The following DYNC2H1 variants were observed in gnomAD, a reference collection of about 807,000 sequenced individuals.
The protein encoded by DYNC2H1 is cytoplasmic dynein 2 heavy chain 1.
DYNC2H1 carries 410 observed loss-of-function variants against 570.0 expected under a neutral mutation model. The ratio of observed to expected loss-of-function variants is 0.72; its 90% CI spans 0.66 to 0.78. The LOEUF is 0.78. Ranked by LOEUF, DYNC2H1 falls within the 30% of genes least tolerant of loss-of-function variation. DYNC2H1 has a pLI of 0.00. For synonymous variants in DYNC2H1, 1,688 were observed against 1,677.6 expected, an observed-to-expected ratio of 1.01 and a Z score of -0.15; for missense variants, 4,865 against 5,046.4, an observed-to-expected ratio of 0.96 and a Z score of 1.09.
intron 47 of DYNC2H1, among the ~76,000 whole-genome samples, chr11:103,195,019 T>C (rs1862465888): frequency 6.6e-6 from 1 of 152,242 alleles, no homozygotes; most frequent in Admixed American, 6.5e-5. Context: ...CAGCCAGCAA[T>C]TGGTTTGTTA....
At chr11:103,383,094 C>T (rs988123609) in intron 83 of DYNC2H1, among the ~76,000 whole-genome samples, 4 of 152,128 alleles carry the variant, frequency 2.6e-5, no homozygotes, top group Non-Finnish European at 4.4e-5. Context: ...TTCAGAAGTA[C>T]TGATGTGTTT....
At chr11:103,415,845 G>A (rs1211158491) in intron 84 of DYNC2H1, among the ~76,000 whole-genome samples, 1 of 152,122 alleles carries the variant, frequency 6.6e-6, no homozygotes, top group Non-Finnish European at 1.5e-5. Context: ...AAAGACACAT[G>A]CGCACATATG....
intron 84 of DYNC2H1, chr11:103,403,841 G>A (rs1231331699): frequency 6.6e-6 from 1 of 151,976 alleles, no homozygotes; most frequent in Admixed American, 6.6e-5. Context: ...TTCATGTTCT[G>A]TATACTCATA....
intron 83 of DYNC2H1, among the ~76,000 whole-genome samples, chr11:103,384,141 G>A (rs907180928): frequency 6.6e-6 from 1 of 152,094 alleles, no homozygotes; most frequent in Non-Finnish European, 1.5e-5. Flanking sequence ...TTATCCTTTA[G>A]TGTAAAATGT....
At chr11:103,139,040 C>T (rs1859740889) in intron 17 of DYNC2H1, among the ~76,000 whole-genome samples, 1 of 150,668 alleles carries the variant, frequency 6.6e-6, no homozygotes, top group South Asian at 2.1e-4. Context: ...GTTTGTATTT[C>T]TGTGGGATCG....
chr11:103,355,729 A>G (rs1207341935), intron 82 of DYNC2H1, among the ~76,000 whole-genome samples: 1 of 152,106 alleles, frequency 6.6e-6, no homozygotes, highest in African/African-American at 2.4e-5. Flanking sequence ...TTTATTTTTT[A>G]GAGATGGGGT....
At chr11:103,421,458 T>C (rs1180504250) in intron 84 of DYNC2H1, among the ~76,000 whole-genome samples, 2 of 152,116 alleles carry the variant, frequency 1.3e-5, no homozygotes, top group Non-Finnish European at 2.9e-5. Flanking sequence ...TAATTGAAAT[T>C]AAAACTCTCC....
At chr11:103,171,167 C>T (rs188235738) in intron 34 of DYNC2H1, 99 bp downstream of exon 34, 14 of 1,073,878 alleles carry the variant, frequency 1.3e-5, no homozygotes, top group Admixed American at 6.9e-5. Flanking sequence ...TCCTGACATC[C>T]GTGTTTCTAA....
chr11:103,150,908 A>G (rs1386476683), intron 20 of DYNC2H1, among the ~76,000 whole-genome samples: 1 of 152,200 alleles, frequency 6.6e-6, no homozygotes, highest in Non-Finnish European at 1.5e-5. Flanking sequence ...ATGAGATAAT[A>G]AAAGAACTAG....
chr11:103,224,921 T>A (rs376728934), intron 59 of DYNC2H1, among the ~76,000 whole-genome samples: 4 of 152,220 alleles, frequency 2.6e-5, no homozygotes, highest in African/African-American at 4.8e-5. Flanking sequence ...TATACTTTTT[T>A]AATTTTTTTA....
At chr11:103,372,710 T>C (rs1043784755) in intron 83 of DYNC2H1, among the ~76,000 whole-genome samples, 1 of 152,196 alleles carries the variant, frequency 6.6e-6, no homozygotes, top group Non-Finnish European at 1.5e-5. Flanking sequence ...GTTTTTTCTT[T>C]GCTGTGTCCT....
Position 103,305,407 on chromosome 11 carries a change from A to G in DYNC2H1, c.11382+687A>G, listed in dbSNP as rs1489543644. 6.6e-6 allele frequency among the ~76,000 whole-genome samples: 1 copy of G among 152,148 alleles called. No individual in the cohort carries two copies. The highest frequency in any genetic ancestry group is 1.5e-5 in the Non-Finnish European group (1 of 68,022). ...CAAGGAATGAAGAGATGTCCTTGATAGTACTAGACGGGCCAGGCAGGGAAG... is the reference window on the plus strand; with the variant it reads ...CAAGGAATGAAGAGATGTCCTTGATGGTACTAGACGGGCCAGGCAGGGAAG... On this transcript the variant is annotated intron_variant, in intron 77 of 88. Coordinates refer to ENST00000375735, the MANE Select transcript of DYNC2H1 (RefSeq NM_001377.3). This position sits in a 1 kb window ranked among gnomAD's most constrained non-coding sequence, Gnocchi z 4.3.
intron 40 of DYNC2H1, among the ~76,000 whole-genome samples, chr11:103,184,375 T>C (rs930622429): frequency 2.6e-5 from 4 of 151,942 alleles, no homozygotes; most frequent in African/African-American, 9.7e-5. Context: ...TTTAACTCTC[T>C]GGCACTTACC....
chr11:103,468,829 C>A, intron 88 of DYNC2H1, 124 bp downstream of exon 88: 3 of 672,132 alleles, frequency 4.5e-6, no homozygotes, highest in African/African-American at 1.8e-5. Context: ...TGCATTTGAA[C>A]AAATTTGCAG....
In DYNC2H1 at chr11:103,254,255, G is replaced by T; in HGVS notation, c.10206+807G>T. 6.6e-6 allele frequency among the ~76,000 whole-genome samples: 1 copy of T among 152,054 alleles called. No homozygotes were observed. On this transcript the variant is annotated intron_variant, in intron 66 of 88. Transcript: ENST00000375735. This position sits in a 1 kb window ranked among gnomAD's most constrained non-coding sequence, Gnocchi z 4.9. ...CAATGTGACAATCATTCAAAACTTG[G>T]CAGAATTAATTGACAGAATTGCTCC...
chr11:103,433,423 A>G (rs590439), intron 84 of DYNC2H1, among the ~76,000 whole-genome samples: 84,160 of 151,852 alleles, frequency 0.55, 23,946 homozygotes, highest in East Asian at 0.72. Context: ...CCTAAGTCTT[A>G]GTGGCATAAA....
chr11:103,348,212 C>G (rs958023979), intron 82 of DYNC2H1, among the ~76,000 whole-genome samples: 10 of 152,060 alleles, frequency 6.6e-5, no homozygotes, highest in Non-Finnish European at 1.3e-4. Flanking sequence ...TTTAACTGAC[C>G]CTAGCCCAAT....
In DYNC2H1 at chr11:103,244,674, A is replaced by G. The variant is rs1864540509; in HGVS notation, c.9919-577A>G. Among the ~76,000 whole-genome samples, 1 of 148,312 alleles carries G rather than the reference A, an allele frequency of 6.7e-6. No homozygotes were observed. Among genetic ancestry groups the G allele is most frequent in the African/African-American group, 2.4e-5 (1 of 40,842 alleles). ...TAGTTATATACATTATAAGTACTATATATCTATGGTTATAGTTATATACAT... is the reference window on the plus strand; with the variant it reads ...TAGTTATATACATTATAAGTACTATGTATCTATGGTTATAGTTATATACAT... On this transcript the variant is annotated intron_variant, in intron 64 of 88. Transcript: ENST00000375735. The surrounding 1 kb of genome is among the most constrained non-coding windows in gnomAD (Gnocchi z 4.3).
Position 103,161,044 on chromosome 11 carries a change from G to A in DYNC2H1, c.4491G>A (p.Glu1497=). The A allele has an allele frequency of 2.9e-6, 4 of 1,395,312 alleles. No homozygotes were observed. The highest frequency in any genetic ancestry group is 2.6e-5 in the East Asian group (1 of 38,648). The allele number at this position is 1,395,312 out of a possible 1,614,324, so 86.4% of individuals were successfully genotyped here. A position where few individuals can be genotyped will look rare whatever the true frequency, so the allele number is the denominator to read the frequency against. The change falls in exon 29 of 89, where the codon GAG becomes GAA. Residue 1497 remains glutamate (E), a splice_region_variant and synonymous_variant. Transcript: ENST00000375735. ...AAGTTCCTCTATCAAATAATGTAGA[G>A]GTAAGCAATTCTTTTTCAAATATGA... ...KNKVPLSNNV[E]TWLNDLALEM...
Sources: allele counts gnomAD v4.1 joint callset (sites outside exome capture counted in the v4.1 genomes callset), GRCh38; gene constraint gnomAD v4.1.1; non-coding constraint Gnocchi (gnomAD v3.1); transcripts MANE v1.5; gene names NCBI Gene and HGNC (gene_info 2026-07-23, HGNC 2026-07-21).